The following MAST3 variants were observed in gnomAD, a reference collection of about 807,000 sequenced individuals.
MAST3 encodes the protein microtubule-associated serine/threonine-protein kinase 3.
In MAST3, 43 loss-of-function variants were observed where a neutral mutation model predicts 127.0. The observed-to-expected ratio is 0.34, with a 90% confidence interval of 0.27 to 0.44. MAST3 has a LOEUF of 0.44. MAST3 is among the 20% of genes least tolerant of loss of function. The pLI, the probability that MAST3 is intolerant of heterozygous loss-of-function variation, is 1.00. For missense variants in MAST3, 1,390 were observed against 1,919.1 expected (o/e 0.72, Z 5.15); for synonymous variants, 785 against 809.2 (o/e 0.97, Z 0.51).
intron 11 of MAST3, among the ~76,000 whole-genome samples, chr19:18,126,911 GCTGGGACTA>G (rs1274412372): frequency 6.6e-6 from 1 of 151,880 alleles, no homozygotes; most frequent in African/African-American, 2.4e-5. Flanking sequence ...CTCCCGAGTA[GCTGGGACTA>G]CAGGCGCCCG....
intron 6 of MAST3, 89 bp downstream of exon 6, chr19:18,122,840 T>C (rs549741223): frequency 1.5e-6 from 2 of 1,355,470 alleles, no homozygotes; most frequent in East Asian, 5.0e-5. Context: ...AGGTGTTGGA[T>C]AGTTGTGCAG....
Position 18,149,391 on chromosome 19 carries a change from C to T in MAST3, c.3709C>T (p.Pro1237Ser), listed in dbSNP as rs1401039736. The T allele has an allele frequency of 6.8e-7, 1 of 1,468,462 alleles. No homozygotes were observed. The highest frequency in any genetic ancestry group is 2.6e-5 in the Admixed American group (1 of 38,742). The allele number at this position is 1,468,462 out of a possible 1,614,324, so 91.0% of individuals were successfully genotyped here. A position where few individuals can be genotyped will look rare whatever the true frequency, so the allele number is the denominator to read the frequency against. The change falls in exon 28 of 28, where the codon CCC becomes TCC. Residue 1237 changes from proline to serine, a missense_variant. Physicochemically the swap from Pro to Ser is moderately conservative, Grantham distance 74. This residue lies in a region of MAST3 where 816 missense variants were observed against 934.1 expected (regional missense o/e 0.87). Coordinates refer to ENST00000687212, the MANE Select transcript of MAST3 (RefSeq NM_001393504.1). This position sits in a 1 kb window ranked among gnomAD's most constrained non-coding sequence, Gnocchi z 5.9. ...LACPPISAPP[P>S]RSPSPLPGHP... ...CTGCCCGCCCATCTCCGCGCCCCCA[C>T]CCCGCTCGCCCTCGCCCCTGCCCGG... is the stretch of plus-strand genomic sequence containing the variant.
intron 2 of MAST3, among the ~76,000 whole-genome samples, chr19:18,108,689 C>G (rs1010830028): frequency 6.6e-6 from 1 of 152,028 alleles, no homozygotes; most frequent in Non-Finnish European, 1.5e-5. Context: ...TTTTTATCCC[C>G]AAATCTTAGA....
At position 18,110,421 on chromosome 19, in the gene MAST3, C is replaced by T. The variant is rs915225850; in HGVS notation, c.72-231C>T. On this transcript the variant is annotated intron_variant, in intron 2 of 27. Transcript: ENST00000687212. This position sits in a 1 kb window ranked among gnomAD's most constrained non-coding sequence, Gnocchi z 4.3. Reference sequence around the variant, plus strand: ...GGGTGCAGGGAGGACAGGATGACAACTACCCTCCCCCCACGTCTCTGTTCG... The same window carrying T: ...GGGTGCAGGGAGGACAGGATGACAATTACCCTCCCCCCACGTCTCTGTTCG... 2 of 984,358 alleles carry T rather than the reference C, an allele frequency of 2.0e-6. No homozygotes were observed. The highest frequency in any genetic ancestry group is 3.5e-5 in the African/African-American group (2 of 57,230). 61.0% of individuals were successfully genotyped at this position (984,358 alleles called of 1,614,324 possible). A position where few individuals can be genotyped will look rare whatever the true frequency, so the allele number is the denominator to read the frequency against.
At chr19:18,115,124 G>C (rs2039079330) in intron 3 of MAST3, among the ~76,000 whole-genome samples, 1 of 152,140 alleles carries the variant, frequency 6.6e-6, no homozygotes, top group Non-Finnish European at 1.5e-5. Flanking sequence ...GCAATAGGGA[G>C]CCATGGAGGG....
intron 1 of MAST3, among the ~76,000 whole-genome samples, chr19:18,104,611 C>G (rs1460694975): frequency 6.6e-6 from 1 of 151,870 alleles, no homozygotes; most frequent in Non-Finnish European, 1.5e-5. Context: ...TGGAGCCCAC[C>G]AAAGTAAAAA....
At chr19:18,114,174 C>T (rs1306424087) in intron 3 of MAST3, among the ~76,000 whole-genome samples, 2 of 151,052 alleles carry the variant, frequency 1.3e-5, no homozygotes, top group African/African-American at 4.9e-5. Flanking sequence ...ACATCCAGAC[C>T]CCAGGGATTT....
intron 3 of MAST3, among the ~76,000 whole-genome samples, chr19:18,120,790 G>A (rs143777047): frequency 6.6e-6 from 1 of 151,918 alleles, no homozygotes; most frequent in East Asian, 1.9e-4. Context: ...GTAACGGCAC[G>A]ATCTCACCAC....
intron 3 of MAST3, among the ~76,000 whole-genome samples, chr19:18,111,757 C>G (rs62123564): frequency 0.11 from 16,993 of 152,048 alleles, 1,227 homozygotes; most frequent in East Asian, 0.16. Flanking sequence ...TGGTCGCAAA[C>G]CCCTCTGCCT....
chr19:18,126,071 A>C (rs928193839), intron 11 of MAST3, among the ~76,000 whole-genome samples: 1 of 150,858 alleles, frequency 6.6e-6, no homozygotes, highest in Non-Finnish European at 1.5e-5. Flanking sequence ...AAAAAAAAAG[A>C]TGTAGCTGGG....
chr19:18,146,504 G>C (rs2043027243), intron 25 of MAST3, among the ~76,000 whole-genome samples: 1 of 152,058 alleles, frequency 6.6e-6, no homozygotes, highest in Non-Finnish European at 1.5e-5. Context: ...TCATTGAATA[G>C]CTGGACACTG....
At position 18,121,437 on chromosome 19, in the gene MAST3, G is replaced by A. The variant is rs191877183; in HGVS notation, c.162-248G>A. ...CTTCCAAAGCACTGGGGTTACTGGC[G>A]TGAGCCACCATGCCTGGCCAGCAGT... On this transcript the variant is annotated intron_variant, in intron 3 of 27. Transcript: ENST00000687212. Among the ~76,000 whole-genome samples the A allele has an allele frequency of 1.8e-3, 278 of 152,350 alleles. 2 individuals are homozygous for A. The highest frequency in any genetic ancestry group is 6.3e-3 in the African/African-American group (263 of 41,586).
At chr19:18,136,101 C>T (rs1322221044) in intron 18 of MAST3, among the ~76,000 whole-genome samples, 3 of 152,206 alleles carry the variant, frequency 2.0e-5, no homozygotes, top group Non-Finnish European at 4.4e-5. Context: ...GTAAAGTCAC[C>T]AGGACCTGTG....
Position 18,145,013 on chromosome 19 carries a change from C to T in MAST3, c.2823C>T (p.Ser941=), listed in dbSNP as rs1428708321. 42 of 1,569,556 alleles carry T rather than the reference C, an allele frequency of 2.7e-5. No individual in the cohort carries two copies. Among genetic ancestry groups the T allele is most frequent in the Admixed American group, 5.0e-5 (3 of 59,840 alleles). ...LSLIITADDG[S]GGPLMSPLSP... is the part of the protein sequence containing the mutation. ...CCTAACCCCCTGCAGATGATGGCAG[C>T]GGCGGCCCCCTCATGAGCCCCCTTT... Residue 941 remains serine, a synonymous_variant, in exon 24 of 28, where the codon AGC becomes AGT. Transcript: ENST00000687212. The surrounding 1 kb of genome is among the most constrained non-coding windows in gnomAD (Gnocchi z 5.9).
rs761414014 is a variant in MAST3, at chr19:18,149,398, C to T, written c.3716C>T (p.Ser1239Leu). 2.1e-5 allele frequency: 30 copies of T among 1,454,198 alleles called. No homozygotes were observed. In the South Asian group the frequency reaches 2.6e-4, roughly 13 times the overall value. The allele number at this position is 1,454,198 out of a possible 1,614,324, so 90.1% of individuals were successfully genotyped here. Residue 1239 changes from serine (S) to leucine (L), a missense_variant, in exon 28 of 28, where the codon TCG (serine) becomes TTG (leucine). Transcript: ENST00000687212. This position sits in a 1 kb window ranked among gnomAD's most constrained non-coding sequence, Gnocchi z 5.9. ...CPPISAPPPRSPSPLPGHPPA... is the reference protein window; with the variant it reads ...CPPISAPPPRLPSPLPGHPPA... Reference sequence around the variant, plus strand: ...CCCATCTCCGCGCCCCCACCCCGCTCGCCCTCGCCCCTGCCCGGGCACCCG... The same window carrying T: ...CCCATCTCCGCGCCCCCACCCCGCTTGCCCTCGCCCCTGCCCGGGCACCCG...
intron 26 of MAST3, 88 bp from the exon 27 acceptor site, chr19:18,147,355 G>A (rs1005517041): frequency 1.7e-5 from 20 of 1,204,454 alleles, no homozygotes; most frequent in Admixed American, 1.2e-4. Context: ...CATCTGCCTC[G>A]GCCTCTGAAA....
In MAST3 at chr19:18,145,674, C is replaced by G. The variant is rs1237827019; in HGVS notation, c.3040-69C>G. ...AGCTTGCTGGGGTCCCACAGCAGAC[C>G]CAGCCTGGGCTGGGGTCCCCAGATG... On this transcript the variant is annotated intron_variant, in intron 24 of 27. Coordinates refer to ENST00000687212, the MANE Select transcript of MAST3 (RefSeq NM_001393504.1). This position sits in a 1 kb window ranked among gnomAD's most constrained non-coding sequence, Gnocchi z 5.9. The G allele has an allele frequency of 6.8e-7, 1 of 1,477,490 alleles. No homozygotes were observed. Among genetic ancestry groups the G allele is most frequent in the East Asian group, 2.5e-5 (1 of 39,500 alleles). The allele number at this position is 1,477,490 out of a possible 1,614,324, so 91.5% of individuals were successfully genotyped here. A position where few individuals can be genotyped will look rare whatever the true frequency, so the allele number is the denominator to read the frequency against.
chr19:18,126,693 C>G (rs754667669), intron 11 of MAST3, among the ~76,000 whole-genome samples: 2 of 152,060 alleles, frequency 1.3e-5, no homozygotes, highest in African/African-American at 4.8e-5. Context: ...TGCTTGAGCC[C>G]AGGGGTTTGA....
chr19:18,104,960 G>A (rs929104865), intron 1 of MAST3, among the ~76,000 whole-genome samples: 3 of 152,136 alleles, frequency 2.0e-5, no homozygotes, highest in Non-Finnish European at 4.4e-5. Flanking sequence ...ACTGAGGCAC[G>A]GGGCATACAA....
Sources: allele counts gnomAD v4.1 joint callset (sites outside exome capture counted in the v4.1 genomes callset), GRCh38; gene constraint gnomAD v4.1.1; regional missense constraint gnomAD v4.1.1; non-coding constraint Gnocchi (gnomAD v3.1); transcripts MANE v1.5; gene names NCBI Gene and HGNC (gene_info 2026-07-23, HGNC 2026-07-21).